The following XPC variants were observed in gnomAD, a reference collection of about 807,000 sequenced individuals.
XPC encodes the protein XPC complex subunit, DNA damage recognition and repair factor.
In XPC, 76 loss-of-function variants were observed where a neutral mutation model predicts 95.8. The ratio of observed to expected loss-of-function variants is 0.79; its 90% CI spans 0.66 to 0.96. XPC has a LOEUF of 0.96. Among genes scored for constraint, XPC ranks in the 40% least tolerant of loss-of-function variants. XPC has a pLI of 0.00. For missense variants in XPC, 1,146 were observed against 1,179.8 expected (o/e 0.97, Z 0.42); for synonymous variants, 442 against 442.1 (o/e 1.00, Z 0.00).
chr3:14,175,748 G>A (rs1224901149), intron 1 of XPC, among the ~76,000 whole-genome samples: 4 of 152,122 alleles, frequency 2.6e-5, no homozygotes, highest in Non-Finnish European at 4.4e-5. Context: ...GCATGTACAG[G>A]GGTGCTATTA....
chr3:14,145,815 G>C lies in XPC; in HGVS notation c.*126C>G, dbSNP rs1340006065. 2 of 1,213,274 alleles carry C rather than the reference G, an allele frequency of 1.6e-6. No homozygotes were observed. The highest frequency in any genetic ancestry group is 3.0e-5 in the African/African-American group (2 of 66,264). 75.2% of individuals were successfully genotyped at this position (1,213,274 alleles called of 1,614,324 possible). A position where few individuals can be genotyped will look rare whatever the true frequency, so the allele number is the denominator to read the frequency against. On this transcript the variant is annotated 3_prime_UTR_variant, in exon 16 of 16. Transcript: ENST00000285021. The stretch of plus-strand genomic sequence containing the variant: ...CTCCCCTGACCCCGCCTCCGTGCAT[G>C]CTGCCTCAGTTTGCCTTCTCAGCAG...
At chr3:14,171,838 G>GGGGACGGGAC (rs755570267) in intron 2 of XPC, among the ~76,000 whole-genome samples, 1 of 152,094 alleles carries the variant, frequency 6.6e-6, no homozygotes, top group Non-Finnish European at 1.5e-5. Context: ...GGACCGGGAT[G>GGGGACGGGAC]GGGACGGGAC....
chr3:14,147,144 G>T, intron 15 of XPC, 146 bp downstream of exon 15: 1 of 811,998 alleles, frequency 1.2e-6, no homozygotes, highest in Non-Finnish European at 2.0e-6. Flanking sequence ...AAAAACAAGC[G>T]GCCTTAGAGA....
rs747041300 is a variant in XPC at position 14,148,526 on chromosome 3, CCT to C, written c.2420+34_2420+35del. ...ATCTCTGGAGCCACCCCTCCCCATCCCTGTGTTTAGCCTCCATCGAAGGCCCC... is the reference window on the plus strand; with the variant it reads ...ATCTCTGGAGCCACCCCTCCCCATCCGTGTTTAGCCTCCATCGAAGGCCCC... On this transcript the variant is annotated intron_variant, in intron 13 of 15. Transcript: ENST00000285021. 2.2e-5 allele frequency: 35 copies of C among 1,609,354 alleles called. No homozygotes were observed. In the African/African-American group the frequency reaches 4.3e-4, roughly 20 times the overall value.
intron 1 of XPC, among the ~76,000 whole-genome samples, chr3:14,177,991 G>A (rs914764624): frequency 2.0e-5 from 3 of 152,208 alleles, no homozygotes; most frequent in African/African-American, 7.2e-5. Context: ...GGAAAACCAT[G>A]AGTTCTGCAT....
chr3:14,155,650 CG>C (rs1695872854), intron 10 of XPC, among the ~76,000 whole-genome samples: 1 of 152,044 alleles, frequency 6.6e-6, no homozygotes, highest in Non-Finnish European at 1.5e-5. Flanking sequence ...CTCCGCCTCC[CG>C]GGTTCACGCC....
intron 3 of XPC, among the ~76,000 whole-genome samples, chr3:14,169,006 T>G (rs1056850416): frequency 1.3e-5 from 2 of 152,254 alleles, no homozygotes; most frequent in Non-Finnish European, 2.9e-5. Context: ...CCATGACATC[T>G]TACTGGCAAA....
chr3:14,159,761 G>A lies in XPC; in HGVS notation c.970C>T (p.Leu324=), dbSNP rs1359198001. The A allele has an allele frequency of 3.2e-6, 5 of 1,563,630 alleles. 1 individual carries two copies. In the South Asian group the frequency reaches 5.9e-5, roughly 18 times the overall value. Residue 324 remains leucine (L), a synonymous_variant, in exon 8 of 16, where the codon CTG becomes TTG. Coordinates refer to ENST00000285021, the MANE Select transcript of XPC (RefSeq NM_004628.5). ...RLVLSLQPIP[L]KSATAKGKKP... ...CTCACCTTTGCTGTTGCTGACTTCA[G>A]AGGAATTGGCTGTAGAGACAATACC...
In XPC at chr3:14,148,617, C is replaced by G; in HGVS notation, c.2365G>C (p.Asp789His). ...AAGCCAGTGATGGCCTGGACACAGT[C>G]GATGTCCAGCTTGCGGGCCACGCGG... Reference protein sequence around the residue: ...LHRVARKLDIDCVQAITGFDF... With the variant: ...LHRVARKLDIHCVQAITGFDF... The change falls in exon 13 of 16, where the codon GAC becomes CAC. Residue 789 changes from aspartate to histidine, a missense_variant. Transcript: ENST00000285021. 6.2e-7 allele frequency: 1 copy of G among 1,614,022 alleles called. No individual in the cohort carries two copies.
intron 2 of XPC, 92 bp downstream of exon 2, chr3:14,172,775 C>A (rs1696662023): frequency 2.9e-6 from 4 of 1,379,270 alleles, no homozygotes; most frequent in Non-Finnish European, 3.9e-6. Flanking sequence ...TTCCATGGAC[C>A]CCAGTGACAA....
chr3:14,163,595 CA>C lies in XPC; in HGVS notation c.900+1217del, dbSNP rs367625387. On this transcript the variant is annotated intron_variant, in intron 7 of 15. Coordinates refer to ENST00000285021, the MANE Select transcript of XPC (RefSeq NM_004628.5). ...GATTGGTGGTTGCCACGAGCAGGGA[CA>C]GGGGGGTAACAATGAGGAGTTTAAT... 6.8e-3 allele frequency among the ~76,000 whole-genome samples: 1,031 copies of C among 152,040 alleles called. 6 individuals are homozygous for C. Among genetic ancestry groups the C allele is most frequent in the African/African-American group, 0.022 (928 of 41,478 alleles).
At chr3:14,162,059 CAAG>C (rs1696187817) in intron 7 of XPC, among the ~76,000 whole-genome samples, 1 of 152,044 alleles carries the variant, frequency 6.6e-6, no homozygotes, top group Non-Finnish European at 1.5e-5. Flanking sequence ...CCAAGAGCAT[CAAG>C]AAGAATAAAG....
chr3:14,145,947 C>T lies in XPC; in HGVS notation c.2817G>A (p.Gln939=). Residue 939 remains glutamine (Q), a synonymous_variant, in exon 16 of 16, where the codon CAG becomes CAA. Coordinates refer to ENST00000285021, the MANE Select transcript of XPC (RefSeq NM_004628.5). The stretch of plus-strand genomic sequence containing the variant: ...CCTCTAGTGGGCGCTCAGCTCACAG[C>T]TGCTCAAATGGGAACAGGTGGGAAG... ...AAASHLFPFE[Q]L 6.2e-7 allele frequency: 1 copy of T among 1,604,758 alleles called. No individual in the cohort carries two copies. The highest frequency in any genetic ancestry group is 1.1e-5 in the South Asian group (1 of 90,756).
intron 8 of XPC, among the ~76,000 whole-genome samples, chr3:14,159,101 G>A (rs1696064077): frequency 6.6e-6 from 1 of 152,134 alleles, no homozygotes. Flanking sequence ...TAAGGCCACA[G>A]TATAATTCTT....
chr3:14,160,527 AAG>A (rs1696127352), intron 7 of XPC, among the ~76,000 whole-genome samples: 1 of 152,214 alleles, frequency 6.6e-6, no homozygotes, highest in Non-Finnish European at 1.5e-5. Context: ...CCGGTGTGAG[AAG>A]CCATTGTTAT....
chr3:14,155,335 T>C (rs1242162547), intron 10 of XPC, among the ~76,000 whole-genome samples: 2 of 152,254 alleles, frequency 1.3e-5, no homozygotes, highest in Non-Finnish European at 2.9e-5. Flanking sequence ...TATTTCTTGG[T>C]CTTGTACATC....
At position 14,165,251 on chromosome 3, in the gene XPC, G is replaced by C. The variant is rs1050947780; in HGVS notation, c.779+177C>G. ...TATGTATTTGTCTCCCCACCAGTCTGGCAGCTCTACCAGGGCAAGATCATA... is the reference window on the plus strand; with the variant it reads ...TATGTATTTGTCTCCCCACCAGTCTCGCAGCTCTACCAGGGCAAGATCATA... On this transcript the variant is annotated intron_variant, in intron 6 of 15. Transcript: ENST00000285021. 2.0e-5 allele frequency among the ~76,000 whole-genome samples: 3 copies of C among 152,148 alleles called. No individual in the cohort carries two copies. The South Asian group carries it at 6.2e-4, about 31-fold the overall frequency.
intron 3 of XPC, among the ~76,000 whole-genome samples, chr3:14,168,847 T>C (rs1282254975): frequency 6.6e-6 from 1 of 152,228 alleles, no homozygotes; most frequent in Non-Finnish European, 1.5e-5. Context: ...AATTATAAAC[T>C]TGTAAGTGAC....
rs778769039 is a variant in XPC at position 14,148,926 on chromosome 3, C to T, written c.2138G>A (p.Arg713His). The change falls in exon 12 of 16, where the codon CGT (arginine) becomes CAT (histidine). Residue 713 changes from arginine (R) to histidine (H), a missense_variant. By Grantham distance (29) the Arg-to-His change is conservative (BLOSUM62 0). Transcript: ENST00000285021. ...PYKMVKGFSN[R>H]ARKARLAEPQ... is the part of the protein sequence containing the mutation. ...CTCAGCAAGTCGGGCTTTCCGAGCACGGTTAGAAAAGCCTTTCACCATCTG... is the reference window on the plus strand; with the variant it reads ...CTCAGCAAGTCGGGCTTTCCGAGCATGGTTAGAAAAGCCTTTCACCATCTG... 45 of 1,613,874 alleles carry T rather than the reference C, an allele frequency of 2.8e-5. No individual in the cohort carries two copies. Among genetic ancestry groups the T allele is most frequent in the Middle Eastern group, 1.6e-4 (1 of 6,084 alleles).
Sources: gnomAD v4.1 joint callset for allele counts (sites outside exome capture counted in the v4.1 genomes callset) on GRCh38, gnomAD v4.1.1 for gene constraint, MANE v1.5 for transcripts, NCBI Gene and HGNC (gene_info 2026-07-23, HGNC 2026-07-21) for gene names.